ESR2: variants seen among roughly 807,000 people sequenced by gnomAD.
ESR2 encodes the protein estrogen receptor beta.
ESR2 carries 36 observed loss-of-function variants against 49.6 expected under a neutral mutation model. The observed-to-expected ratio is 0.73, with a 90% confidence interval of 0.56 to 0.96. The LOEUF (loss-of-function observed/expected upper bound fraction) is 0.96. Among genes scored for constraint, ESR2 ranks in the 40% least tolerant of loss-of-function variants. ESR2 has a pLI of 0.00. For synonymous variants in ESR2, 320 were observed against 266.1 expected (o/e 1.20, Z -1.97); for missense variants, 714 against 693.0 (o/e 1.03, Z -0.34).
At chr14:64,299,749 C>A (rs995915803) in intron 1 of ESR2, among the ~76,000 whole-genome samples, 3 of 152,130 alleles carry the variant, frequency 2.0e-5, no homozygotes, top group Non-Finnish European at 4.4e-5. Context: ...ATCTGATGAA[C>A]CTAACCAGAG....
At chr14:64,249,753 A>G (rs2075952812) in intron 6 of ESR2, 74 bp from the exon 7 acceptor site, 1 of 1,448,904 alleles carries the variant, frequency 6.9e-7, no homozygotes, top group South Asian at 1.3e-5. Context: ...GGAATGTTTT[A>G]TTTTTAATCT....
At chr14:64,297,869 G>A (rs116185142), upstream of ESR2, among the ~76,000 whole-genome samples, 924 of 152,238 alleles carry the variant, frequency 6.1e-3, 12 homozygotes, top group African/African-American at 0.021. Flanking sequence ...TTTGGGTTCT[G>A]GGATAGTTAT....
At chr14:64,253,600 G>GTA (rs1371940883) in intron 6 of ESR2, among the ~76,000 whole-genome samples, 21 of 124,768 alleles carry the variant, frequency 1.7e-4, no homozygotes, top group Admixed American at 3.2e-4. Flanking sequence ...GTGTGTGTGT[G>GTA]TGTGTATGTA....
At chr14:64,277,153 A>G (rs190362324) in intron 3 of ESR2, among the ~76,000 whole-genome samples, 2 of 152,270 alleles carry the variant, frequency 1.3e-5, no homozygotes, top group East Asian at 1.9e-4. Flanking sequence ...TAGAGAAACA[A>G]CAGCACTTAT....
chr14:64,302,467 G>A (rs1169005001), intron 1 of ESR2, among the ~76,000 whole-genome samples: 2 of 151,946 alleles, frequency 1.3e-5, no homozygotes, highest in African/African-American at 4.8e-5. Flanking sequence ...GATTACAGGT[G>A]TGAGGCACCG....
At chr14:64,257,909 C>G (rs956392639) in intron 5 of ESR2, among the ~76,000 whole-genome samples, 1 of 152,152 alleles carries the variant, frequency 6.6e-6, no homozygotes. Context: ...GGTAGAAGCA[C>G]TGTTTCTGGG....
At chr14:64,277,749 C>G (rs915710953) in intron 3 of ESR2, among the ~76,000 whole-genome samples, 3 of 151,156 alleles carry the variant, frequency 2.0e-5, no homozygotes, top group African/African-American at 7.3e-5. Flanking sequence ...GCACTTATAT[C>G]AAAGACAGGA....
At chr14:64,260,773 G>C in intron 4 of ESR2, 25 bp from the exon 5 acceptor site, 1 of 1,434,352 alleles carries the variant, frequency 7.0e-7, no homozygotes, top group South Asian at 1.6e-5. Context: ...AGAGTCATTC[G>C]AATTGCCAGG....
intron 7 of ESR2, among the ~76,000 whole-genome samples, chr14:64,238,849 C>T (rs1204356260): frequency 6.6e-6 from 1 of 152,148 alleles, no homozygotes; most frequent in African/African-American, 2.4e-5. Flanking sequence ...TCTTCTCTCC[C>T]CTTTATCAGC....
chr14:64,320,739 T>A (rs1439709420), intron 1 of ESR2, among the ~76,000 whole-genome samples: 1 of 150,984 alleles, frequency 6.6e-6, no homozygotes, highest in Admixed American at 6.6e-5. Flanking sequence ...CTAAAAAAAG[T>A]ACAAAATTAG....
intron 1 of ESR2, among the ~76,000 whole-genome samples, chr14:64,315,520 G>A (rs973758880): frequency 6.6e-6 from 1 of 151,848 alleles, no homozygotes; most frequent in Non-Finnish European, 1.5e-5. Context: ...TGTTGCCCAG[G>A]CTGGAGTGCA....
chr14:64,322,627 A>C (rs1379870580), intron 1 of ESR2, among the ~76,000 whole-genome samples: 1 of 152,194 alleles, frequency 6.6e-6, no homozygotes, highest in African/African-American at 2.4e-5. Context: ...CCCAACTAAC[A>C]ACAAAAAAGA....
intron 7 of ESR2, among the ~76,000 whole-genome samples, chr14:64,245,509 CAAAAAAAAAAA>C (rs56160081): frequency 4.6e-5 from 3 of 65,460 alleles, no homozygotes; most frequent in South Asian, 8.0e-4. Flanking sequence ...AAGACTCTGT[CAAAAAAAAAAA>C]AAAAAAAAAA....
chr14:64,282,963 G>GA lies in ESR2; in HGVS notation c.22dup (p.Ser8PhefsTer2). On this transcript the variant is annotated frameshift_variant, in exon 2 of 9. Coordinates refer to ENST00000341099, the MANE Select transcript of ESR2 (RefSeq NM_001437.3). LOFTEE classifies it high-confidence loss of function. ...GTAGGAGGAAGGAGAATTAAGGCTA[G>GA]ATGGTGAGTTTTTTATATCCATGTC... 6.2e-7 allele frequency: 1 copy of GA among 1,613,068 alleles called. No homozygotes were observed. The highest frequency in any genetic ancestry group is 1.1e-5 in the South Asian group (1 of 90,986).
chr14:64,283,641 C>T (rs2076726567), intron 1 of ESR2, among the ~76,000 whole-genome samples: 2 of 148,566 alleles, frequency 1.3e-5, no homozygotes, highest in Admixed American at 6.8e-5. Flanking sequence ...GTCCCAGCTA[C>T]TCAAGAGGCT....
At chr14:64,277,625 CAAAAAAAA>C (rs55742946) in intron 3 of ESR2, among the ~76,000 whole-genome samples, 10 of 92,350 alleles carry the variant, frequency 1.1e-4, no homozygotes, top group Non-Finnish European at 4.3e-5. Flanking sequence ...ACTCCATCTC[CAAAAAAAA>C]AAAAAAAAAA....
chr14:64,267,667 G>A (rs2076358875), intron 4 of ESR2, among the ~76,000 whole-genome samples: 1 of 151,520 alleles, frequency 6.6e-6, no homozygotes, highest in Non-Finnish European at 1.5e-5. Flanking sequence ...ACGAGGTCAG[G>A]AGATCGAGAC....
rs1218468533 is a variant in ESR2 at position 64,230,576 on chromosome 14, C to T, written c.*2561G>A. ...GTCTTCAGATTTGTGACTAGGCTGA[C>T]AGCTTTGTCTTGTGTTCCCGCCTTA... is the stretch of plus-strand genomic sequence containing the variant. On this transcript the variant is annotated 3_prime_UTR_variant, in exon 9 of 9. Coordinates refer to ENST00000341099, the MANE Select transcript of ESR2 (RefSeq NM_001437.3). Among the ~76,000 whole-genome samples, 2 of 152,070 alleles carry T rather than the reference C, an allele frequency of 1.3e-5. No homozygotes were observed. The highest frequency in any genetic ancestry group is 4.8e-5 in the African/African-American group (2 of 41,410).
At chr14:64,241,145 CAAAAA>C (rs56347632) in intron 7 of ESR2, among the ~76,000 whole-genome samples, 9 of 95,404 alleles carry the variant, frequency 9.4e-5, no homozygotes, top group East Asian at 9.8e-4. Flanking sequence ...GACTCCGTCT[CAAAAA>C]AAAAAAAAAA....
Sources: gnomAD v4.1 joint callset for allele counts (sites outside exome capture counted in the v4.1 genomes callset) on GRCh38, gnomAD v4.1.1 for gene constraint, MANE v1.5 for transcripts, NCBI Gene and HGNC (gene_info 2026-07-23, HGNC 2026-07-21) for gene names.